MAN1A1: variants seen among roughly 807,000 people sequenced by gnomAD.
The protein encoded by MAN1A1 is mannosidase alpha class 1A member 1.
A neutral mutation model predicts 70.8 loss-of-function variants in MAN1A1; 29 were observed. The ratio of observed to expected loss-of-function variants is 0.41; its 90% CI spans 0.31 to 0.56. The LOEUF is 0.56. Among genes scored for constraint, MAN1A1 ranks in the 20% least tolerant of loss-of-function variants. The probability of loss-of-function intolerance (pLI) is 0.29; values close to 1 mark genes in which losing one functional copy is unlikely to be tolerated. For synonymous variants in MAN1A1, 349 were observed against 330.1 expected, an observed-to-expected ratio of 1.06 and a Z score of -0.62; for missense variants, 747 against 841.3, an observed-to-expected ratio of 0.89 and a Z score of 1.39.
At chr6:119,232,372 C>CAAAAAA (rs71015028) in intron 6 of MAN1A1, among the ~76,000 whole-genome samples, 3 of 89,356 alleles carry the variant, frequency 3.4e-5, no homozygotes, top group African/African-American at 9.1e-5. Flanking sequence ...GACTCTGTCT[C>CAAAAAA]AAAAAAAAAA....
upstream of MAN1A1, chr6:119,349,883 A>AG: frequency 2.4e-6 from 1 of 420,356 alleles, no homozygotes; most frequent in South Asian, 9.9e-5. Flanking sequence ...CGAGGCGAGG[A>AG]GGGGGATGCG....
At chr6:119,346,746 A>G (rs1044234314) in intron 2 of MAN1A1, among the ~76,000 whole-genome samples, 1 of 152,224 alleles carries the variant, frequency 6.6e-6, no homozygotes, top group Non-Finnish European at 1.5e-5. Flanking sequence ...CTTTCGTATT[A>G]AAATCTTTTC....
chr6:119,191,931 T>A (rs1200270535), intron 9 of MAN1A1, among the ~76,000 whole-genome samples: 2 of 152,168 alleles, frequency 1.3e-5, no homozygotes, highest in Non-Finnish European at 2.9e-5. Context: ...CAATGCTACT[T>A]CTCAAAACAG....
At chr6:119,206,337 A>G (rs1773859128) in intron 6 of MAN1A1, among the ~76,000 whole-genome samples, 1 of 152,174 alleles carries the variant, frequency 6.6e-6, no homozygotes, top group Admixed American at 6.5e-5. Flanking sequence ...TTTGCCATGT[A>G]TCAGTCACAG....
At chr6:119,312,967 A>G (rs1473423664) in intron 2 of MAN1A1, among the ~76,000 whole-genome samples, 2 of 152,126 alleles carry the variant, frequency 1.3e-5, no homozygotes, top group African/African-American at 4.8e-5. Flanking sequence ...ACCTGACTAG[A>G]AGACACTCAA....
chr6:119,296,723 A>G (rs1302682184), intron 4 of MAN1A1, among the ~76,000 whole-genome samples: 1 of 152,174 alleles, frequency 6.6e-6, no homozygotes, highest in African/African-American at 2.4e-5. Flanking sequence ...AAAGAAAAAA[A>G]AAAAGTCACT....
At chr6:119,204,067 A>G (rs1393437008) in intron 7 of MAN1A1, among the ~76,000 whole-genome samples, 1 of 152,164 alleles carries the variant, frequency 6.6e-6, no homozygotes, top group Non-Finnish European at 1.5e-5. Flanking sequence ...AAACTGGGAG[A>G]GTATTACATG....
At chr6:119,249,391 GT>G (rs1186603453) in intron 5 of MAN1A1, among the ~76,000 whole-genome samples, 1 of 152,298 alleles carries the variant, frequency 6.6e-6, no homozygotes, top group East Asian at 1.9e-4. Flanking sequence ...CCCATCCTCA[GT>G]TTTAGGTCCA....
chr6:119,268,216 C>G (rs1193386006), intron 5 of MAN1A1, among the ~76,000 whole-genome samples: 1 of 152,128 alleles, frequency 6.6e-6, no homozygotes, highest in Non-Finnish European at 1.5e-5. Context: ...TATTTAGTTA[C>G]CAGTGATATA....
chr6:119,320,634 A>C (rs1037481949), intron 2 of MAN1A1, among the ~76,000 whole-genome samples: 44 of 150,104 alleles, frequency 2.9e-4, no homozygotes, highest in African/African-American at 7.6e-4. Context: ...TTAAAAACAA[A>C]AAAAAAAAGA....
chr6:119,225,937 C>T (rs1774502437), intron 6 of MAN1A1, among the ~76,000 whole-genome samples: 1 of 151,862 alleles, frequency 6.6e-6, no homozygotes, highest in Non-Finnish European at 1.5e-5. Context: ...GGAATAGCTA[C>T]AGAGGAAAAA....
At chr6:119,288,955 T>C (rs1308617647) in intron 5 of MAN1A1, among the ~76,000 whole-genome samples, 2 of 151,800 alleles carry the variant, frequency 1.3e-5, no homozygotes, top group African/African-American at 2.4e-5. Context: ...GTGTTCTTTG[T>C]AGCCATTTGT....
chr6:119,349,866 G>A, upstream of MAN1A1: 1 of 572,150 alleles, frequency 1.7e-6, no homozygotes, highest in Non-Finnish European at 2.2e-6. Flanking sequence ...TCCCGCGGGG[G>A]CGGGGCCGAG....
intron 4 of MAN1A1, among the ~76,000 whole-genome samples, chr6:119,297,014 T>G (rs1772234414): frequency 6.6e-6 from 1 of 152,248 alleles, no homozygotes; most frequent in South Asian, 2.1e-4. Context: ...ATTCTACATA[T>G]TCCATAAAAT....
At chr6:119,248,622 A>G (rs1401019146) in intron 5 of MAN1A1, among the ~76,000 whole-genome samples, 1 of 152,102 alleles carries the variant, frequency 6.6e-6, no homozygotes, top group Non-Finnish European at 1.5e-5. Context: ...TGAACGTCTT[A>G]CTCTTGAGAT....
At chr6:119,349,501 G>A (rs1456644669) in intron 1 of MAN1A1, 41 bp downstream of exon 1, 13 of 979,258 alleles carry the variant, frequency 1.3e-5, no homozygotes, top group East Asian at 1.1e-4. Flanking sequence ...GCAGGAAGGG[G>A]TCAGGGCAGC....
At position 119,347,119 on chromosome 6, in the gene MAN1A1, A is replaced by G. The variant is rs117729096; in HGVS notation, c.603+1344T>C. ...TGGACTGTGGAAGGAAGCTATCTGC[A>G]TAGGAAGGATGAAGACATTCTTCCT... On this transcript the variant is annotated intron_variant, in intron 2 of 12. Coordinates refer to ENST00000368468, the MANE Select transcript of MAN1A1 (RefSeq NM_005907.4). 3.9e-5 allele frequency among the ~76,000 whole-genome samples: 6 copies of G among 152,342 alleles called. 1 individual carries two copies. The East Asian group carries it at 1.2e-3, about 29-fold the overall frequency.
chr6:119,283,395 T>C (rs1377995628), intron 5 of MAN1A1, among the ~76,000 whole-genome samples: 2 of 152,194 alleles, frequency 1.3e-5, no homozygotes, highest in African/African-American at 4.8e-5. Flanking sequence ...GTGCCAGGCA[T>C]ACAGTGTTAA....
rs150722308 is a variant in MAN1A1 at position 119,344,921 on chromosome 6, A to G, written c.603+3542T>C. Among the ~76,000 whole-genome samples, 209 of 152,230 alleles carry G rather than the reference A, an allele frequency of 1.4e-3. 2 individuals carry two copies. The highest frequency in any genetic ancestry group is 4.8e-3 in the African/African-American group (200 of 41,522). The stretch of plus-strand genomic sequence containing the variant: ...TTAGAACTGAGAGAAGAAAACTGTG[A>G]CCCCACAGGTGCAGGGTCCTAAAGC... On this transcript the variant is annotated intron_variant, in intron 2 of 12. Coordinates refer to ENST00000368468, the MANE Select transcript of MAN1A1 (RefSeq NM_005907.4).
Sources: gnomAD v4.1 joint callset for allele counts (sites outside exome capture counted in the v4.1 genomes callset) on GRCh38, gnomAD v4.1.1 for gene constraint, MANE v1.5 for transcripts, NCBI Gene and HGNC (gene_info 2026-07-23, HGNC 2026-07-21) for gene names.